CNTN3: variants seen among roughly 807,000 people sequenced by gnomAD.
CNTN3 encodes contactin 3.
A neutral mutation model predicts 119.1 loss-of-function variants in CNTN3; 60 were observed. The observed-to-expected ratio is 0.50, with a 90% CI of 0.41 to 0.62. CNTN3 has a LOEUF of 0.62. CNTN3 is among the 20% of genes least tolerant of loss of function. The pLI, the probability that CNTN3 is intolerant of heterozygous loss-of-function variation, is 0.00. For missense variants in CNTN3, 1,101 were observed against 1,242.4 expected (o/e 0.89, Z 1.71); for synonymous variants, 450 against 438.7 (o/e 1.03, Z -0.32).
chr3:74,541,516 T>C (rs1703842969), intron 1 of CNTN3, among the ~76,000 whole-genome samples: 1 of 151,900 alleles, frequency 6.6e-6, no homozygotes, highest in Non-Finnish European at 1.5e-5. Context: ...TTATATAAAA[T>C]ACAAAAATAT....
chr3:74,545,092 G>A (rs1703895909), intron 1 of CNTN3, among the ~76,000 whole-genome samples: 1 of 152,060 alleles, frequency 6.6e-6, no homozygotes, highest in Non-Finnish European at 1.5e-5. Context: ...TTAGGTTGGG[G>A]TTTAGGCAGG....
At position 74,264,424 on chromosome 3, in the gene CNTN3, A is replaced by T. The variant is rs1701629594; in HGVS notation, c.3064T>A (p.Leu1022Ile). 1.2e-6 allele frequency: 2 copies of T among 1,601,710 alleles called. No individual in the cohort carries two copies. Among genetic ancestry groups the T allele is most frequent in the African/African-American group, 2.7e-5 (2 of 74,408 alleles). ...TATCACCACAGGACATATACAATTAAGAACAGTACTATAGGCATATAACTT... is the reference window on the plus strand; with the variant it reads ...TATCACCACAGGACATATACAATTATGAACAGTACTATAGGCATATAACTT... ...MSSYMPIVLF[L>I]IVYVLW The change falls in exon 23 of 23, where the codon TTA (leucine) becomes ATA (isoleucine). Residue 1022 changes from leucine to isoleucine, a missense_variant. By Grantham distance (5) the Leu-to-Ile change is conservative (BLOSUM62 2). Transcript: ENST00000263665.
intron 3 of CNTN3, among the ~76,000 whole-genome samples, chr3:74,492,526 A>G (rs1170894031): frequency 2.6e-5 from 4 of 152,202 alleles, no homozygotes; most frequent in East Asian, 1.9e-4. Flanking sequence ...ATTTGAATAC[A>G]ATTTCCTTAA....
intron 1 of CNTN3, among the ~76,000 whole-genome samples, chr3:74,557,852 T>G (rs1285969545): frequency 6.6e-6 from 1 of 152,146 alleles, no homozygotes; most frequent in East Asian, 1.9e-4. Context: ...TTTGTCCTAT[T>G]AGCTGCTCCC....
chr3:74,340,541 G>A (rs1378162450), intron 11 of CNTN3, among the ~76,000 whole-genome samples: 1 of 152,102 alleles, frequency 6.6e-6, no homozygotes, highest in Non-Finnish European at 1.5e-5. Flanking sequence ...GACACCCAAA[G>A]AGAATGACAC....
chr3:74,317,323 T>C (rs1244638147), intron 13 of CNTN3, among the ~76,000 whole-genome samples: 1 of 151,624 alleles, frequency 6.6e-6, no homozygotes, highest in Admixed American at 6.6e-5. Flanking sequence ...AATTGGAGCA[T>C]TTAGCCCATT....
intron 5 of CNTN3, among the ~76,000 whole-genome samples, chr3:74,378,959 A>G (rs555110912): frequency 6.6e-6 from 1 of 152,182 alleles, no homozygotes; most frequent in South Asian, 2.1e-4. Context: ...CTCTTGTTTT[A>G]GTCTCTGCTT....
intron 4 of CNTN3, among the ~76,000 whole-genome samples, chr3:74,458,823 A>T (rs1702315209): frequency 6.6e-6 from 1 of 152,040 alleles, no homozygotes; most frequent in African/African-American, 2.4e-5. Flanking sequence ...GTGAATGTTT[A>T]CATATAAAAT....
chr3:74,282,327 G>T (rs1182743215), intron 20 of CNTN3, among the ~76,000 whole-genome samples: 1 of 152,176 alleles, frequency 6.6e-6, no homozygotes, highest in African/African-American at 2.4e-5. Flanking sequence ...ATTCCATAAT[G>T]ATGAGTACAT....
At chr3:74,269,835 A>C (rs1007118440) in intron 20 of CNTN3, among the ~76,000 whole-genome samples, 1 of 152,164 alleles carries the variant, frequency 6.6e-6, no homozygotes, top group Admixed American at 6.6e-5. Flanking sequence ...GACAGAAAAT[A>C]AAATGCTGGT....
intron 3 of CNTN3, among the ~76,000 whole-genome samples, chr3:74,499,265 C>A (rs1383368097): frequency 1.3e-5 from 2 of 151,752 alleles, no homozygotes; most frequent in African/African-American, 2.4e-5. Context: ...AAGCACATAT[C>A]CAGTAAAATG....
intron 5 of CNTN3, among the ~76,000 whole-genome samples, chr3:74,403,285 G>A (rs1038559397): frequency 1.3e-5 from 2 of 152,158 alleles, no homozygotes; most frequent in African/African-American, 4.8e-5. Flanking sequence ...AGGAATTGCT[G>A]ACAGAATATA....
At position 74,353,625 on chromosome 3, in the gene CNTN3, A is replaced by G. The variant is rs544641573; in HGVS notation, c.1364+8265T>C. ...CAAAAAATTAGCCGGGCGTGGTGGC[A>G]GGCGCCTGTAGTCCCAGCTACTCGG... On this transcript the variant is annotated intron_variant, in intron 11 of 22. Coordinates refer to ENST00000263665, the MANE Select transcript of CNTN3 (RefSeq NM_020872.3). Among the ~76,000 whole-genome samples the G allele has an allele frequency of 3.5e-3, 535 of 151,614 alleles. 11 individuals are homozygous for G. The highest frequency in any genetic ancestry group is 0.011 in the African/African-American group (460 of 41,030).
At chr3:74,301,593 T>A in intron 15 of CNTN3, 46 bp from the exon 16 acceptor site, 4 of 1,612,144 alleles carry the variant, frequency 2.5e-6, no homozygotes, top group Non-Finnish European at 3.4e-6. Context: ...GCTTTAGCAT[T>A]GACTTGAAAT....
intron 4 of CNTN3, among the ~76,000 whole-genome samples, chr3:74,462,979 T>C (rs900473339): frequency 1.3e-5 from 2 of 152,314 alleles, no homozygotes; most frequent in Non-Finnish European, 1.5e-5. Context: ...TGTAGATCCA[T>C]GTGTCATTCC....
At chr3:74,274,460 G>T (rs1701842257) in intron 20 of CNTN3, among the ~76,000 whole-genome samples, 1 of 152,152 alleles carries the variant, frequency 6.6e-6, no homozygotes. Flanking sequence ...GAAACTCATA[G>T]ATGGTTTACA....
intron 11 of CNTN3, among the ~76,000 whole-genome samples, chr3:74,343,539 C>T (rs1377151424): frequency 6.6e-6 from 1 of 152,218 alleles, no homozygotes; most frequent in Non-Finnish European, 1.5e-5. Flanking sequence ...GGAATTTCAT[C>T]ACCTCAAGGT....
intron 2 of CNTN3, among the ~76,000 whole-genome samples, chr3:74,508,644 C>T (rs926973673): frequency 6.8e-6 from 1 of 146,364 alleles, no homozygotes; most frequent in Non-Finnish European, 1.5e-5. Context: ...GCATGCTGGA[C>T]TGTTAACTTT....
chr3:74,602,059 A>G lies in CNTN3; in HGVS notation c.-81+12332T>C, dbSNP rs567348599. 2.0e-5 allele frequency among the ~76,000 whole-genome samples: 3 copies of G among 152,080 alleles called. No individual in the cohort carries two copies. In the East Asian group the frequency reaches 5.9e-4, roughly 30 times the overall value. On this transcript the variant is annotated intron_variant, in intron 1 of 22. Transcript: ENST00000263665. ...CATGATGGCTCATGCCTATAATCCC[A>G]GTACTTTGGGAGGCTTGAGACAGGA...
Sources: allele counts gnomAD v4.1 joint callset (sites outside exome capture counted in the v4.1 genomes callset), GRCh38; gene constraint gnomAD v4.1.1; transcripts MANE v1.5; gene names NCBI Gene and HGNC (gene_info 2026-07-23, HGNC 2026-07-21).